Variants in RASGRF1 observed in about 807,000 individuals in gnomAD.
RASGRF1 encodes the protein Ras protein specific guanine nucleotide releasing factor 1.
Under a neutral mutation model 138.7 loss-of-function variants are expected in RASGRF1, and 40 were observed. The ratio of observed to expected loss-of-function variants is 0.29; its 90% CI spans 0.22 to 0.38. The LOEUF (loss-of-function observed/expected upper bound fraction) is 0.38, where lower values mean the gene tolerates loss of function less well. Among genes scored for constraint, RASGRF1 ranks in the 10% least tolerant of loss-of-function variants. The probability of loss-of-function intolerance (pLI) is 1.00; values close to 1 mark genes in which losing one functional copy is unlikely to be tolerated. For missense variants in RASGRF1, 1,108 were observed against 1,650.4 expected, an observed-to-expected ratio of 0.67 and a Z score of 5.69; for synonymous variants, 614 against 663.2, an observed-to-expected ratio of 0.93 and a Z score of 1.14.
chr15:79,020,004 A>G (rs1055110348), intron 11 of RASGRF1, 37 bp downstream of exon 11: 1 of 1,610,410 alleles, frequency 6.2e-7, no homozygotes, highest in Non-Finnish European at 8.5e-7. Flanking sequence ...GTATCTGTGC[A>G]AGCACACACA....
At chr15:79,023,902 ACACACAC>A (rs2057002477) in intron 10 of RASGRF1, among the ~76,000 whole-genome samples, 2 of 151,990 alleles carry the variant, frequency 1.3e-5, no homozygotes, top group African/African-American at 4.8e-5. Context: ...CCTGCCCTTC[ACACACAC>A]CACACACAGA....
At chr15:79,066,341 C>T (rs1391241136) in intron 1 of RASGRF1, among the ~76,000 whole-genome samples, 1 of 152,170 alleles carries the variant, frequency 6.6e-6, no homozygotes, top group Non-Finnish European at 1.5e-5. Flanking sequence ...GGGCAACTGC[C>T]GCCTGCTCAG....
intron 3 of RASGRF1, among the ~76,000 whole-genome samples, chr15:79,056,871 T>C (rs535291625): frequency 6.5e-4 from 99 of 152,226 alleles, no homozygotes; most frequent in African/African-American, 2.4e-3. Context: ...GACTTTAAGC[T>C]CTTTTGTTGA....
chr15:79,089,713 C>A (rs145841763), intron 1 of RASGRF1, among the ~76,000 whole-genome samples: 1 of 152,250 alleles, frequency 6.6e-6, no homozygotes, highest in African/African-American at 2.4e-5. Flanking sequence ...TAGCGCAGAC[C>A]GCTCTCCGCC....
chr15:78,969,116 T>G (rs2055701234), intron 26 of RASGRF1, among the ~76,000 whole-genome samples: 1 of 152,226 alleles, frequency 6.6e-6, no homozygotes, highest in African/African-American at 2.4e-5. Flanking sequence ...AAACCTACTA[T>G]TTTAAACAAA....
chr15:78,998,900 G>A, intron 17 of RASGRF1, 75 bp from the exon 18 acceptor site: 1 of 1,260,960 alleles, frequency 7.9e-7, no homozygotes, highest in Non-Finnish European at 1.2e-6. Flanking sequence ...GTCTGGATTT[G>A]CCTCTCGGAT....
At chr15:79,040,988 A>G (rs1195449475) in intron 5 of RASGRF1, among the ~76,000 whole-genome samples, 1 of 152,182 alleles carries the variant, frequency 6.6e-6, no homozygotes, top group Non-Finnish European at 1.5e-5. Flanking sequence ...AACTCCAGCA[A>G]TGATAAAAAC....
At chr15:79,033,604 A>ATTTT (rs2057175680) in intron 6 of RASGRF1, among the ~76,000 whole-genome samples, 4 of 13,008 alleles carry the variant, frequency 3.1e-4, no homozygotes, top group East Asian at 1.9e-3. Context: ...TTTTTTTTTG[A>ATTTT]GATAGAGTCT....
intron 22 of RASGRF1, among the ~76,000 whole-genome samples, chr15:78,988,831 G>A (rs1595874673): frequency 7.6e-6 from 1 of 131,732 alleles, no homozygotes; most frequent in East Asian, 2.3e-4. Flanking sequence ...GGAAGTTGCT[G>A]GGAGGGAGTT....
At chr15:79,000,949 T>C (rs59439677) in intron 16 of RASGRF1, among the ~76,000 whole-genome samples, 2,292 of 152,182 alleles carry the variant, frequency 0.015, 57 homozygotes, top group African/African-American at 0.053. Flanking sequence ...AGCAGGGACA[T>C]TGGAGAAAGC....
intron 6 of RASGRF1, among the ~76,000 whole-genome samples, chr15:79,033,963 A>C (rs1321979683): frequency 1.3e-5 from 2 of 152,248 alleles, no homozygotes; most frequent in African/African-American, 2.4e-5. Context: ...AGGGTAGCTC[A>C]TGTGATGGGT....
chr15:78,974,267 C>T (rs758711510), intron 24 of RASGRF1, among the ~76,000 whole-genome samples: 23 of 152,212 alleles, frequency 1.5e-4, no homozygotes, highest in Non-Finnish European at 2.9e-4. Context: ...GCCTCCTCCC[C>T]AGTGCTCTGC....
chr15:78,993,372 A>G lies in RASGRF1; in HGVS notation c.3028-1578T>C, dbSNP rs1384201677. ...TGTGTGGTGTGTGTTTGGTGTGTGT[A>G]GTGTGTGTGTGTGGGTGTGTGTGTG... On this transcript the variant is annotated intron_variant, in intron 20 of 26. Coordinates refer to ENST00000558480, the MANE Select transcript of RASGRF1 (RefSeq NM_001145648.3). Among the ~76,000 whole-genome samples the G allele has an allele frequency of 9.7e-4, 124 of 127,708 alleles. 1 individual carries two copies. The highest frequency in any genetic ancestry group is 3.3e-3 in the African/African-American group (112 of 33,542). 83.8% of individuals were successfully genotyped at this position (127,708 alleles called of 152,430 possible).
At chr15:79,074,947 C>A (rs1035195563) in intron 1 of RASGRF1, among the ~76,000 whole-genome samples, 1 of 152,144 alleles carries the variant, frequency 6.6e-6, no homozygotes, top group Non-Finnish European at 1.5e-5. Context: ...GTCCTAAGAT[C>A]GAGCGAGAAA....
At chr15:79,070,712 A>C (rs1233728367) in intron 1 of RASGRF1, among the ~76,000 whole-genome samples, 2 of 152,210 alleles carry the variant, frequency 1.3e-5, no homozygotes, top group African/African-American at 4.8e-5. Context: ...GCCTGCAAGC[A>C]AGCATCCAAT....
intron 1 of RASGRF1, among the ~76,000 whole-genome samples, chr15:79,068,989 G>A (rs1263100461): frequency 6.6e-6 from 1 of 152,098 alleles, no homozygotes; most frequent in East Asian, 1.9e-4. Context: ...AGGCCTGGCC[G>A]GGCTTAGGCT....
At chr15:78,992,012 G>A (rs1205756205) in intron 20 of RASGRF1, among the ~76,000 whole-genome samples, 3 of 152,148 alleles carry the variant, frequency 2.0e-5, no homozygotes, top group Admixed American at 6.5e-5. Context: ...CTGTTGTGCC[G>A]GTGTGTGCAG....
At chr15:78,969,245 C>T (rs1374910331) in intron 26 of RASGRF1, among the ~76,000 whole-genome samples, 2 of 152,182 alleles carry the variant, frequency 1.3e-5, no homozygotes, top group African/African-American at 4.8e-5. Context: ...ACTAGCACAC[C>T]ACTGAGTTAC....
At chr15:78,978,381 C>G (rs1467632662) in intron 24 of RASGRF1, 4 of 404,544 alleles carry the variant, frequency 9.9e-6, no homozygotes, top group Non-Finnish European at 1.3e-5. Context: ...TGTGCCACCA[C>G]GCCTGGCTAA....
Sources: gnomAD v4.1 joint callset for allele counts (sites outside exome capture counted in the v4.1 genomes callset) on GRCh38, gnomAD v4.1.1 for gene constraint, MANE v1.5 for transcripts, NCBI Gene and HGNC (gene_info 2026-07-23, HGNC 2026-07-21) for gene names.